The following RALGAPA1 variants were observed in gnomAD, a reference collection of about 807,000 sequenced individuals.
RALGAPA1 encodes the protein ral GTPase-activating protein subunit alpha-1.
Under a neutral mutation model 269.6 loss-of-function variants are expected in RALGAPA1, and 52 were observed. That is an observed-to-expected ratio of 0.19 (90% CI 0.15 to 0.24). The LOEUF (loss-of-function observed/expected upper bound fraction) is 0.24, where lower values mean the gene tolerates loss of function less well. RALGAPA1 is among the 10% of genes least tolerant of loss of function. The probability of loss-of-function intolerance (pLI) is 1.00; values close to 1 mark genes in which losing one functional copy is unlikely to be tolerated. For synonymous variants in RALGAPA1, 817 were observed against 1,008.3 expected (o/e 0.81, Z 3.60); for missense variants, 1,917 against 3,013.9 (o/e 0.64, Z 8.52).
chr14:35,664,521 G>C (rs1253467406), intron 27 of RALGAPA1, 121 bp downstream of exon 27: 2 of 798,974 alleles, frequency 2.5e-6, no homozygotes, highest in African/African-American at 1.8e-5. Flanking sequence ...GGAGGATATG[G>C]CTAATGTTCT....
Position 35,689,232 on chromosome 14 carries a change from C to A in RALGAPA1, c.3179G>T (p.Arg1060Met). Residue 1060 changes from arginine (R) to methionine (M), a missense_variant, in exon 18 of 42, where the codon AGG becomes ATG. Physicochemically the swap from Arg to Met is moderately conservative, Grantham distance 91. Transcript: ENST00000680220. The stretch of plus-strand genomic sequence containing the variant: ...GGCTGCTTGTCTGTACAGATGTTTC[C>A]TTTTTTCTTTATCACAAGGGCTATC... ...SLDSPCDKEK[R>M]KHLYRQAATE... 8.1e-7 allele frequency: 1 copy of A among 1,232,322 alleles called. No individual in the cohort carries two copies. The highest frequency in any genetic ancestry group is 1.0e-6 in the Non-Finnish European group (1 of 988,168). 76.3% of individuals were successfully genotyped at this position (1,232,322 alleles called of 1,614,324 possible).
chr14:35,785,612 T>A (rs1356546366), intron 1 of RALGAPA1, among the ~76,000 whole-genome samples: 1 of 152,210 alleles, frequency 6.6e-6, no homozygotes, highest in Non-Finnish European at 1.5e-5. Flanking sequence ...TTTTTTGTTT[T>A]GGTTTTTAAA....
chr14:35,654,030 G>T (rs1342388901), intron 30 of RALGAPA1, among the ~76,000 whole-genome samples: 1 of 152,092 alleles, frequency 6.6e-6, no homozygotes, highest in Non-Finnish European at 1.5e-5. Flanking sequence ...TTGAGCCAGG[G>T]TCTTGCTATG....
At chr14:35,634,836 A>G in intron 32 of RALGAPA1, 79 bp from the exon 33 acceptor site, 1 of 1,296,204 alleles carries the variant, frequency 7.7e-7, no homozygotes, top group Non-Finnish European at 1.0e-6. Flanking sequence ...ATAAAAATCA[A>G]CTGGTAACAC....
intron 16 of RALGAPA1, among the ~76,000 whole-genome samples, chr14:35,717,783 C>T (rs2140917338): frequency 6.6e-6 from 1 of 152,138 alleles, no homozygotes; most frequent in East Asian, 1.9e-4. Flanking sequence ...GTCTCAAACC[C>T]CTGGCCTCAA....
intron 30 of RALGAPA1, 65 bp from the exon 31 acceptor site, chr14:35,651,938 C>T: frequency 2.9e-6 from 4 of 1,363,024 alleles, no homozygotes; most frequent in Non-Finnish European, 4.0e-6. Flanking sequence ...CATCCTAAAA[C>T]TTGATTGTTA....
intron 10 of RALGAPA1, among the ~76,000 whole-genome samples, chr14:35,748,156 T>G (rs2072304376): frequency 6.6e-6 from 1 of 151,918 alleles, no homozygotes; most frequent in South Asian, 2.1e-4. Flanking sequence ...GGGAAAATAA[T>G]TATTACGCTA....
chr14:35,645,985 A>G (rs1168263613), intron 31 of RALGAPA1, among the ~76,000 whole-genome samples: 1 of 152,162 alleles, frequency 6.6e-6, no homozygotes, highest in African/African-American at 2.4e-5. Context: ...GCTAAGTATG[A>G]GACATTTTGA....
Position 35,775,758 on chromosome 14 carries a change from A to G in RALGAPA1, c.107-13T>C. The G allele has an allele frequency of 6.5e-7, 1 of 1,529,516 alleles. No individual in the cohort carries two copies. The highest frequency in any genetic ancestry group is 8.7e-7 in the Non-Finnish European group (1 of 1,146,934). The allele number at this position is 1,529,516 out of a possible 1,614,324, so 94.7% of individuals were successfully genotyped here. A position where few individuals can be genotyped will look rare whatever the true frequency, so the allele number is the denominator to read the frequency against. ...GATTCTGCATTCTCTGAAAAATAAA[A>G]AAAAATTACTGATTATTTACATGTA... is the stretch of plus-strand genomic sequence containing the variant. On this transcript the variant is annotated splice_polypyrimidine_tract_variant and intron_variant, in intron 1 of 41. Coordinates refer to ENST00000680220, the MANE Select transcript of RALGAPA1 (RefSeq NM_001346249.2).
intron 6 of RALGAPA1, among the ~76,000 whole-genome samples, chr14:35,757,325 G>A (rs2073270416): frequency 6.6e-6 from 1 of 151,748 alleles, no homozygotes; most frequent in South Asian, 2.1e-4. Flanking sequence ...TCACCATGTT[G>A]GCCAGGCTGG....
At chr14:35,794,445 TTTTTTGTTTTC>T (rs1284367079) in intron 1 of RALGAPA1, among the ~76,000 whole-genome samples, 1 of 152,122 alleles carries the variant, frequency 6.6e-6, no homozygotes, top group Non-Finnish European at 1.5e-5. Flanking sequence ...CCATACTATT[TTTTTTGTTTTC>T]TTTTTGTTTT....
intron 12 of RALGAPA1, among the ~76,000 whole-genome samples, chr14:35,729,174 AT>A (rs1372985021): frequency 6.6e-6 from 1 of 152,152 alleles, no homozygotes; most frequent in Non-Finnish European, 1.5e-5. Context: ...TGTTCAAAAC[AT>A]TTTATCCTCT....
chr14:35,744,054 T>C (rs2071813477), intron 10 of RALGAPA1, among the ~76,000 whole-genome samples: 1 of 152,188 alleles, frequency 6.6e-6, no homozygotes. Flanking sequence ...TTAATATTTT[T>C]ACTTTACTTT....
At chr14:35,674,949 C>T (rs2064818726) in intron 22 of RALGAPA1, among the ~76,000 whole-genome samples, 1 of 152,108 alleles carries the variant, frequency 6.6e-6, no homozygotes, top group Non-Finnish European at 1.5e-5. Context: ...GTAACTACTA[C>T]TCACTCTGCA....
At chr14:35,600,256 G>A (rs1287873792) in intron 36 of RALGAPA1, among the ~76,000 whole-genome samples, 2 of 104,388 alleles carry the variant, frequency 1.9e-5, no homozygotes, top group Non-Finnish European at 1.7e-5. Flanking sequence ...TTTTGAGACA[G>A]GGTCTGCTCT....
chr14:35,667,807 A>C (rs1191953862), intron 26 of RALGAPA1, among the ~76,000 whole-genome samples: 1 of 152,266 alleles, frequency 6.6e-6, no homozygotes, highest in African/African-American at 2.4e-5. Flanking sequence ...ACAATTGGAT[A>C]TACATACAAA....
rs768889806 is a variant in RALGAPA1 at position 35,752,099 on chromosome 14, G to T, written c.727C>A (p.His243Asn). The T allele has an allele frequency of 2.0e-5, 32 of 1,584,922 alleles. No homozygotes were observed. The Admixed American group carries it at 5.7e-4, about 28-fold the overall frequency. ...TAAGGCAAGTAATATTTCTTAAAATGTGAAAACAAAAATGAAAATCCCCTT... is the reference window on the plus strand; with the variant it reads ...TAAGGCAAGTAATATTTCTTAAAATTTGAAAACAAAAATGAAAATCCCCTT... ...QERGFSFLFSHFKKYYLPYIF... is the reference protein window; with the variant it reads ...QERGFSFLFSNFKKYYLPYIF... The change falls in exon 8 of 42, where the codon CAT (histidine) becomes AAT (asparagine). Residue 243 changes from histidine to asparagine, a missense_variant. His to Asn is a moderately conservative substitution (Grantham distance 68). Around this residue, in one of 11 missense-constraint regions of RALGAPA1, gnomAD observed 462 missense variants for 725.6 expected, o/e 0.64. Transcript: ENST00000680220.
intron 31 of RALGAPA1, among the ~76,000 whole-genome samples, chr14:35,640,144 C>G (rs1383886091): frequency 2.0e-5 from 3 of 151,800 alleles, no homozygotes; most frequent in African/African-American, 7.3e-5. Context: ...AGAAAAACGT[C>G]AAGTAAACAA....
At chr14:35,546,080 TATTTCCCTC>T (rs1237161565) in intron 41 of RALGAPA1, among the ~76,000 whole-genome samples, 1 of 152,162 alleles carries the variant, frequency 6.6e-6, no homozygotes. Context: ...GACATCACGA[TATTTCCCTC>T]AATGACCTTA....
Sources: gnomAD v4.1 joint callset for allele counts (sites outside exome capture counted in the v4.1 genomes callset) on GRCh38, gnomAD v4.1.1 for gene constraint, gnomAD v4.1.1 regional missense constraint, MANE v1.5 for transcripts, NCBI Gene and HGNC (gene_info 2026-07-23, HGNC 2026-07-21) for gene names.